The following MAML2 variants were observed in gnomAD, a reference collection of about 807,000 sequenced individuals.
MAML2 encodes mastermind-like protein 2.
MAML2 carries 22 observed loss-of-function variants against 96.1 expected under a neutral mutation model. The observed-to-expected ratio is 0.23, with a 90% CI of 0.16 to 0.33. The LOEUF is 0.33. Ranked by LOEUF, MAML2 falls within the 10% of genes least tolerant of loss-of-function variation. The probability of loss-of-function intolerance (pLI) is 1.00; values close to 1 mark genes in which losing one functional copy is unlikely to be tolerated. For missense variants in MAML2, 1,367 were observed against 1,392.4 expected (o/e 0.98, Z 0.29); for synonymous variants, 561 against 521.3 (o/e 1.08, Z -1.04).
At chr11:96,158,771 G>C (rs535603201) in intron 1 of MAML2, among the ~76,000 whole-genome samples, 5 of 152,222 alleles carry the variant, frequency 3.3e-5, no homozygotes, top group African/African-American at 1.2e-4. Context: ...CCAAATGCCT[G>C]GGTAAAGATA....
In MAML2 at chr11:96,121,868, G is replaced by A. The variant is rs1860349914; in HGVS notation, c.514-28351C>T. Among the ~76,000 whole-genome samples the A allele has an allele frequency of 2.3e-5, 3 of 133,096 alleles. No individual in the cohort carries two copies. The South Asian group carries it at 7.3e-4, about 32-fold the overall frequency. The allele number at this position is 133,096 out of a possible 152,430, so 87.3% of individuals were successfully genotyped here. A position where few individuals can be genotyped will look rare whatever the true frequency, so the allele number is the denominator to read the frequency against. On this transcript the variant is annotated intron_variant, in intron 1 of 4. Transcript: ENST00000524717. ...GTGGCGCGATCTCGGCTCTCTGCAAGCTCCGCCTCCCGGGTTCACGCGATT... is the reference window on the plus strand; with the variant it reads ...GTGGCGCGATCTCGGCTCTCTGCAAACTCCGCCTCCCGGGTTCACGCGATT...
intron 3 of MAML2, among the ~76,000 whole-genome samples, chr11:95,987,375 G>A (rs1469238117): frequency 6.6e-6 from 1 of 152,110 alleles, no homozygotes; most frequent in East Asian, 1.9e-4. Context: ...ATCAGCTTTG[G>A]GAATTAAGGG....
At chr11:96,253,271 G>A (rs1173577305) in intron 1 of MAML2, among the ~76,000 whole-genome samples, 1 of 152,156 alleles carries the variant, frequency 6.6e-6, no homozygotes, top group Non-Finnish European at 1.5e-5. Flanking sequence ...ATTTACTCTA[G>A]TAGAGGAAAA....
chr11:96,162,265 C>A, intron 1 of MAML2, among the ~76,000 whole-genome samples: 1 of 111,324 alleles, frequency 9.0e-6, no homozygotes, highest in South Asian at 3.0e-4. Flanking sequence ...TTTTTTAATT[C>A]ATAAGAGGCT....
intron 1 of MAML2, among the ~76,000 whole-genome samples, chr11:96,123,400 C>T (rs1357834413): frequency 6.6e-6 from 1 of 151,872 alleles, no homozygotes; most frequent in African/African-American, 2.4e-5. Context: ...CGCAACTCAT[C>T]CAGAGACTTG....
intron 2 of MAML2, among the ~76,000 whole-genome samples, chr11:96,066,558 A>T (rs988154353): frequency 6.6e-6 from 1 of 152,212 alleles, no homozygotes; most frequent in African/African-American, 2.4e-5. Context: ...GTTTCCTTGG[A>T]TAAGAGTTTA....
chr11:96,154,224 G>A (rs948492718), intron 1 of MAML2, among the ~76,000 whole-genome samples: 8 of 152,066 alleles, frequency 5.3e-5, no homozygotes, highest in African/African-American at 2.4e-5. Context: ...GTAGGTCTCG[G>A]GTGGGGCCTG....
At chr11:95,992,837 C>T (rs114980837) in intron 2 of MAML2, among the ~76,000 whole-genome samples, 2,623 of 151,922 alleles carry the variant, frequency 0.017, 74 homozygotes, top group African/African-American at 0.057. Context: ...AGGGAATATG[C>T]TTTGGGAAAC....
At chr11:96,038,867 C>T (rs1858760044) in intron 2 of MAML2, among the ~76,000 whole-genome samples, 1 of 152,176 alleles carries the variant, frequency 6.6e-6, no homozygotes, top group African/African-American at 2.4e-5. Flanking sequence ...TTTTATTCAA[C>T]CTTGTATCTT....
At chr11:96,299,032 G>A (rs1315517630) in intron 1 of MAML2, among the ~76,000 whole-genome samples, 36 of 73,920 alleles carry the variant, frequency 4.9e-4, no homozygotes, top group African/African-American at 1.6e-3. Context: ...GCAACAGAGC[G>A]AGAGTCCATC....
chr11:96,328,772 T>C (rs1333669774), intron 1 of MAML2, among the ~76,000 whole-genome samples: 1 of 152,206 alleles, frequency 6.6e-6, no homozygotes, highest in Non-Finnish European at 1.5e-5. Flanking sequence ...TTTTAAGGGC[T>C]TAGGGCTGCC....
chr11:96,061,775 T>C (rs1056618601), intron 2 of MAML2, among the ~76,000 whole-genome samples: 10 of 152,322 alleles, frequency 6.6e-5, no homozygotes, highest in African/African-American at 2.4e-4. Context: ...TCCTCCTTTT[T>C]CTTCTTCCCT....
chr11:96,312,636 T>C (rs531692075), intron 1 of MAML2, among the ~76,000 whole-genome samples: 143 of 152,344 alleles, frequency 9.4e-4, no homozygotes, highest in African/African-American at 3.1e-3. Context: ...CAGAAAGTAA[T>C]ATTCAGGCTA....
intron 1 of MAML2, among the ~76,000 whole-genome samples, chr11:96,212,323 T>C (rs1861985761): frequency 7.2e-6 from 1 of 138,328 alleles, no homozygotes; most frequent in Non-Finnish European, 1.6e-5. Flanking sequence ...CACAAGAGTG[T>C]CTGCGATCAC....
chr11:96,243,479 G>A (rs565413223), intron 1 of MAML2, among the ~76,000 whole-genome samples: 2 of 152,294 alleles, frequency 1.3e-5, no homozygotes, highest in South Asian at 4.1e-4. Flanking sequence ...CCAGGCACGC[G>A]CGGAGCCAGA....
chr11:95,994,905 C>T (rs1857969260), intron 2 of MAML2, among the ~76,000 whole-genome samples: 1 of 152,136 alleles, frequency 6.6e-6, no homozygotes, highest in Admixed American at 6.6e-5. Context: ...TTGGTTCATA[C>T]CCCAGTTCTG....
chr11:96,049,094 G>C (rs1281554146), intron 2 of MAML2, among the ~76,000 whole-genome samples: 1 of 152,142 alleles, frequency 6.6e-6, no homozygotes, highest in Non-Finnish European at 1.5e-5. Flanking sequence ...TTTGGAACCT[G>C]TTCTCATGTT....
intron 1 of MAML2, among the ~76,000 whole-genome samples, chr11:96,113,988 A>G (rs1348930016): frequency 6.6e-6 from 1 of 151,824 alleles, no homozygotes; most frequent in Non-Finnish European, 1.5e-5. Context: ...CGCTCTAGGA[A>G]ACTGACATAC....
At chr11:96,230,424 A>G (rs190073169) in intron 1 of MAML2, among the ~76,000 whole-genome samples, 424 of 152,258 alleles carry the variant, frequency 2.8e-3, no homozygotes, top group Non-Finnish European at 4.3e-3. Context: ...TCTTTTTTCA[A>G]TGATTTATAC....
Sources: gnomAD v4.1 joint callset for allele counts (sites outside exome capture counted in the v4.1 genomes callset) on GRCh38, gnomAD v4.1.1 for gene constraint, MANE v1.5 for transcripts, NCBI Gene and HGNC (gene_info 2026-07-23, HGNC 2026-07-21) for gene names.